The following GZMK variants were observed in gnomAD, a reference collection of about 807,000 sequenced individuals.
GZMK encodes the protein NK-Tryp-2.
In GZMK, 18 loss-of-function variants were observed where a neutral mutation model predicts 22.8. That is an observed-to-expected ratio of 0.79 (90% CI 0.54 to 1.17). The LOEUF is 1.17. Among genes scored for constraint, GZMK ranks in the 50% most tolerant of loss-of-function variants. GZMK has a pLI of 0.00. For missense variants in GZMK, 342 were observed against 320.2 expected (o/e 1.07, Z -0.52); for synonymous variants, 136 against 115.0 (o/e 1.18, Z -1.17).
intron 2 of GZMK, among the ~76,000 whole-genome samples, chr5:55,029,426 G>A (rs1050414929): frequency 7.2e-5 from 11 of 152,068 alleles, no homozygotes; most frequent in Admixed American, 6.6e-4. Flanking sequence ...CTAATTGAGG[G>A]GACAGGACAT....
intron 2 of GZMK, among the ~76,000 whole-genome samples, chr5:55,029,266 A>T (rs1281982429): frequency 6.6e-6 from 1 of 151,976 alleles, no homozygotes; most frequent in Non-Finnish European, 1.5e-5. Flanking sequence ...GAAAGCCAAA[A>T]AACAAACCTA....
In GZMK at chr5:55,030,480, C is replaced by G. The variant is rs755331584; in HGVS notation, c.259C>G (p.Leu87Val). Residue 87 changes from leucine (L) to valine (V), a missense_variant, in exon 3 of 5, where the codon CTC (leucine) becomes GTC (valine). Transcript: ENST00000231009. ...CACTGTGGTTTTAGGCGCACACTCT[C>G]TCTCAAAGAATGAGGCCTCCAAACA... Reference protein sequence around the residue: ...SPTVVLGAHSLSKNEASKQTL... With the variant: ...SPTVVLGAHSVSKNEASKQTL... 1 of 1,613,766 alleles carries G rather than the reference C, an allele frequency of 6.2e-7. No individual in the cohort carries two copies. The highest frequency in any genetic ancestry group is 1.1e-5 in the South Asian group (1 of 91,068).
intron 2 of GZMK, chr5:55,028,286 G>T (rs1741168532): frequency 6.6e-6 from 1 of 152,146 alleles, no homozygotes; most frequent in Non-Finnish European, 1.5e-5. Flanking sequence ...TCATCCTGAA[G>T]ATTTTTATGT....
At chr5:55,032,127 G>T (rs2112938) in intron 4 of GZMK, among the ~76,000 whole-genome samples, 44,354 of 151,978 alleles carry the variant, frequency 0.29, 7,868 homozygotes, top group African/African-American at 0.5. Flanking sequence ...AAACTCGGTG[G>T]CTTATAAATA....
At chr5:55,033,002 A>C (rs1373506712) in intron 4 of GZMK, among the ~76,000 whole-genome samples, 1 of 152,228 alleles carries the variant, frequency 6.6e-6, no homozygotes, top group Non-Finnish European at 1.5e-5. Flanking sequence ...TGGTTGACCA[A>C]AGTATAAGGC....
intron 2 of GZMK, among the ~76,000 whole-genome samples, chr5:55,027,228 TAGA>T (rs1741154790): frequency 1.3e-5 from 2 of 152,234 alleles, no homozygotes; most frequent in Non-Finnish European, 2.9e-5. Context: ...AAGAACTTAA[TAGA>T]TGTTATCGAG....
chr5:55,032,646 C>G (rs13175466), intron 4 of GZMK: 7,048 of 152,240 alleles, frequency 0.046, 215 homozygotes, highest in Non-Finnish European at 0.072. Context: ...GGGGGAGGAT[C>G]ACCTGAGCCC....
intron 1 of GZMK, 29 bp downstream of exon 1, chr5:55,024,415 C>T (rs746276892): frequency 2.9e-6 from 3 of 1,024,624 alleles, no homozygotes; most frequent in African/African-American, 1.6e-5. Flanking sequence ...TACATGTAAA[C>T]ATTAAATGAA....
intron 2 of GZMK, among the ~76,000 whole-genome samples, chr5:55,026,033 G>C (rs1413423895): frequency 6.6e-6 from 1 of 152,238 alleles, no homozygotes; most frequent in Non-Finnish European, 1.5e-5. Flanking sequence ...AGATCAGAGA[G>C]ACAGAGTGGG....
At chr5:55,033,727 G>T (rs748545044) in intron 4 of GZMK, 38 bp from the exon 5 acceptor site, 49 of 1,549,926 alleles carry the variant, frequency 3.2e-5, no homozygotes, top group Non-Finnish European at 4.2e-5. Flanking sequence ...TATCCCAACA[G>T]CTTCTTACCA....
At chr5:55,032,864 T>A (rs894198836) in intron 4 of GZMK, 6 of 152,224 alleles carry the variant, frequency 3.9e-5, no homozygotes, top group African/African-American at 9.7e-5. Flanking sequence ...ACTAATTTTT[T>A]AAAAATTAGA....
chr5:55,027,396 C>T (rs1482725805), intron 2 of GZMK, among the ~76,000 whole-genome samples: 1 of 152,156 alleles, frequency 6.6e-6, no homozygotes, highest in East Asian at 1.9e-4. Context: ...GGGACCCTGC[C>T]TTTGCTGCCA....
At chr5:55,033,574 A>T (rs1741267494) in intron 4 of GZMK, among the ~76,000 whole-genome samples, 191 bp from the exon 5 acceptor site, 1 of 152,246 alleles carries the variant, frequency 6.6e-6, no homozygotes, top group South Asian at 2.1e-4. Flanking sequence ...GTAGGCAGAA[A>T]CATAGTCCTT....
chr5:55,033,657 A>G, intron 4 of GZMK, 108 bp from the exon 5 acceptor site: 2 of 753,582 alleles, frequency 2.7e-6, no homozygotes, highest in Non-Finnish European at 4.3e-6. Flanking sequence ...ACATAAAGAA[A>G]GCAAAGACCC....
intron 3 of GZMK, among the ~76,000 whole-genome samples, chr5:55,030,809 T>G (rs1430335629): frequency 6.6e-6 from 1 of 152,208 alleles, no homozygotes; most frequent in Admixed American, 6.5e-5. Context: ...AAAGCAACTC[T>G]GATACTCAAC....
chr5:55,027,700 G>A (rs1369886835), intron 2 of GZMK: 1 of 152,194 alleles, frequency 6.6e-6, no homozygotes, highest in African/African-American at 2.4e-5. Flanking sequence ...GTTTACAGAT[G>A]TCTTCAGCAG....
chr5:55,027,710 G>A (rs1305877955), intron 2 of GZMK: 1 of 152,198 alleles, frequency 6.6e-6, no homozygotes, highest in East Asian at 1.9e-4. Context: ...GTCTTCAGCA[G>A]ACCCACTATA....
chr5:55,033,099 C>T (rs1224424963), intron 4 of GZMK, among the ~76,000 whole-genome samples: 1 of 151,990 alleles, frequency 6.6e-6, no homozygotes, highest in Admixed American at 6.5e-5. Context: ...GCCATGCCAT[C>T]CCCTCTATAG....
At chr5:55,027,689 T>C (rs1291976371) in intron 2 of GZMK, 1 of 152,238 alleles carries the variant, frequency 6.6e-6, no homozygotes, top group Non-Finnish European at 1.5e-5. Flanking sequence ...ATGGAGACAA[T>C]GTTTACAGAT....
Sources: gnomAD v4.1 joint callset for allele counts (sites outside exome capture counted in the v4.1 genomes callset) on GRCh38, gnomAD v4.1.1 for gene constraint, MANE v1.5 for transcripts, NCBI Gene and HGNC (gene_info 2026-07-23, HGNC 2026-07-21) for gene names.